The following ATXN10 variants were observed in gnomAD, a reference collection of about 807,000 sequenced individuals.
ATXN10 encodes ataxin-10.
In ATXN10, 28 loss-of-function variants were observed where a neutral mutation model predicts 52.9. That is an observed-to-expected ratio of 0.53 (90% CI 0.39 to 0.73). The LOEUF (loss-of-function observed/expected upper bound fraction) is 0.73, where lower values mean the gene tolerates loss of function less well. ATXN10 is among the 30% of genes least tolerant of loss of function. The probability of loss-of-function intolerance (pLI) is 0.00; values close to 1 mark genes in which losing one functional copy is unlikely to be tolerated. For missense variants in ATXN10, 565 were observed against 577.0 expected, an observed-to-expected ratio of 0.98 and a Z score of 0.21; for synonymous variants, 226 against 221.5, an observed-to-expected ratio of 1.02 and a Z score of -0.18.
chr22:45,804,602 A>G (rs1161105937), intron 9 of ATXN10, among the ~76,000 whole-genome samples: 1 of 152,244 alleles, frequency 6.6e-6, no homozygotes, highest in Non-Finnish European at 1.5e-5. Context: ...GTTCTGTATC[A>G]TCTTAGGTTA....
At position 45,732,854 on chromosome 22, in the gene ATXN10, T is replaced by C. The variant is rs1007278319; in HGVS notation, c.894+3264T>C. Among the ~76,000 whole-genome samples the C allele has an allele frequency of 3.9e-5, 6 of 152,230 alleles. No homozygotes were observed. The highest frequency in any genetic ancestry group is 1.4e-4 in the African/African-American group (6 of 41,466). ...CCACTGCATTTACTCATTGGTGATCTTTTTAGGACAAGATAGATATTCAGT... is the reference window on the plus strand; with the variant it reads ...CCACTGCATTTACTCATTGGTGATCCTTTTAGGACAAGATAGATATTCAGT... On this transcript the variant is annotated intron_variant, in intron 7 of 11. Transcript: ENST00000252934. The surrounding 1 kb of genome is among the most constrained non-coding windows in gnomAD (Gnocchi z 4.5).
rs750361915 is a variant in ATXN10 at position 45,781,996 on chromosome 22, C to T, written c.1174-24963C>T. The stretch of plus-strand genomic sequence containing the variant: ...GATATGTGGGACTTTAATAAAAGGC[C>T]GAAAAAGTATTCAAAAGAATAATTT... On this transcript the variant is annotated intron_variant, in intron 9 of 11. Coordinates refer to ENST00000252934, the MANE Select transcript of ATXN10 (RefSeq NM_013236.4). The surrounding 1 kb of genome is among the most constrained non-coding windows in gnomAD (Gnocchi z 4.2). Among the ~76,000 whole-genome samples, 12 of 152,066 alleles carry T rather than the reference C, an allele frequency of 7.9e-5. No homozygotes were observed. The highest frequency in any genetic ancestry group is 1.9e-4 in the East Asian group (1 of 5,178).
intron 10 of ATXN10, among the ~76,000 whole-genome samples, chr22:45,814,606 C>T (rs1458017839): frequency 6.6e-6 from 1 of 152,192 alleles, no homozygotes; most frequent in Admixed American, 6.5e-5. Context: ...ATCAGCAGTT[C>T]CACTCTAGTA....
At chr22:45,814,037 C>T (rs1252057326) in intron 10 of ATXN10, among the ~76,000 whole-genome samples, 2 of 152,210 alleles carry the variant, frequency 1.3e-5, no homozygotes, top group Non-Finnish European at 2.9e-5. Context: ...GGAATCCTAA[C>T]TCACACCATT....
rs939248743 is a variant in ATXN10 at position 45,671,962 on chromosome 22, C to T, written c.-102C>T. 3 of 1,348,064 alleles carry T rather than the reference C, an allele frequency of 2.2e-6. No individual in the cohort carries two copies. The highest frequency in any genetic ancestry group is 3.0e-6 in the Non-Finnish European group (3 of 988,876). The allele number at this position is 1,348,064 out of a possible 1,614,324, so 83.5% of individuals were successfully genotyped here. On this transcript the variant is annotated 5_prime_UTR_variant, in exon 1 of 12. Transcript: ENST00000252934. ...GGGCTGTGTAGGGCGAGGCCTCCCC[C>T]TTCCTCCTCGCCATCCTACTCCTCC... is the stretch of plus-strand genomic sequence containing the variant.
chr22:45,686,699 G>T (rs1601588169), intron 1 of ATXN10, among the ~76,000 whole-genome samples: 1 of 151,846 alleles, frequency 6.6e-6, no homozygotes, highest in South Asian at 2.1e-4. Flanking sequence ...TGCACCTGTA[G>T]TCCCAGCTAC....
intron 6 of ATXN10, among the ~76,000 whole-genome samples, chr22:45,723,658 T>A (rs1419232127): frequency 6.6e-6 from 1 of 152,088 alleles, no homozygotes; most frequent in Non-Finnish European, 1.5e-5. Flanking sequence ...GTTCTTCACT[T>A]AGAATAATGG....
At chr22:45,736,053 A>G (rs1736581906) in intron 7 of ATXN10, among the ~76,000 whole-genome samples, 1 of 152,052 alleles carries the variant, frequency 6.6e-6, no homozygotes. Context: ...ATTTTCTTTT[A>G]GGTTTATTTT....
intron 1 of ATXN10, among the ~76,000 whole-genome samples, chr22:45,680,305 T>C (rs1434526580): frequency 6.6e-6 from 1 of 152,170 alleles, no homozygotes; most frequent in East Asian, 1.9e-4. Context: ...ATGAGAATAT[T>C]ATAAAACTAT....
intron 10 of ATXN10, among the ~76,000 whole-genome samples, chr22:45,817,964 G>C (rs1928521405): frequency 6.6e-6 from 1 of 152,192 alleles, no homozygotes; most frequent in Non-Finnish European, 1.5e-5. Context: ...TAGTACCTTA[G>C]CAACGGGCTC....
chr22:45,705,918 C>T lies in ATXN10; in HGVS notation c.647+3071C>T, dbSNP rs1406224834. On this transcript the variant is annotated intron_variant, in intron 5 of 11. Coordinates refer to ENST00000252934, the MANE Select transcript of ATXN10 (RefSeq NM_013236.4). The surrounding 1 kb of genome is among the most constrained non-coding windows in gnomAD (Gnocchi z 5.2). Reference sequence around the variant, plus strand: ...TAGCACAAGATAAGCAGCAGGCAAGCAAGCATTCCTGCCTGAGCGCCACTT... The same window carrying T: ...TAGCACAAGATAAGCAGCAGGCAAGTAAGCATTCCTGCCTGAGCGCCACTT... 2.0e-5 allele frequency among the ~76,000 whole-genome samples: 3 copies of T among 152,168 alleles called. No individual in the cohort carries two copies. Among genetic ancestry groups the T allele is most frequent in the East Asian group, 3.9e-4 (2 of 5,186 alleles).
chr22:45,774,269 G>T lies in ATXN10; in HGVS notation c.1174-32690G>T, dbSNP rs1223724743. Reference sequence around the variant, plus strand: ...CATAACTCTGTGACTGTTGACCATGGCCATCTGTCCAGTAGAGTGAGAGCA... The same window carrying T: ...CATAACTCTGTGACTGTTGACCATGTCCATCTGTCCAGTAGAGTGAGAGCA... On this transcript the variant is annotated intron_variant, in intron 9 of 11. Transcript: ENST00000252934. The surrounding 1 kb of genome is among the most constrained non-coding windows in gnomAD (Gnocchi z 6.2). Among the ~76,000 whole-genome samples the T allele has an allele frequency of 9.9e-5, 15 of 152,172 alleles. No homozygotes were observed.
At chr22:45,756,727 A>G (rs1173610733) in intron 9 of ATXN10, among the ~76,000 whole-genome samples, 2 of 152,140 alleles carry the variant, frequency 1.3e-5, no homozygotes, top group African/African-American at 4.8e-5. Context: ...TGTACATCTT[A>G]TGTTACAAAT....
chr22:45,758,249 A>G (rs1926247763), intron 9 of ATXN10, among the ~76,000 whole-genome samples: 1 of 152,224 alleles, frequency 6.6e-6, no homozygotes, highest in Admixed American at 6.5e-5. Context: ...GTTTGGAGTT[A>G]GCTGAGCCAG....
chr22:45,803,931 G>A (rs1391667125), intron 9 of ATXN10, among the ~76,000 whole-genome samples: 2 of 151,994 alleles, frequency 1.3e-5, no homozygotes, highest in East Asian at 3.9e-4. Context: ...TATAGTGGTC[G>A]AACCCTCCAT....
intron 10 of ATXN10, among the ~76,000 whole-genome samples, chr22:45,821,681 A>G (rs1398560178): frequency 6.6e-6 from 1 of 152,204 alleles, no homozygotes; most frequent in African/African-American, 2.4e-5. Flanking sequence ...GCAAGTTTTA[A>G]GTATACATCT....
chr22:45,723,127 A>G (rs1026002375), intron 6 of ATXN10, among the ~76,000 whole-genome samples: 3 of 151,674 alleles, frequency 2.0e-5, no homozygotes, highest in East Asian at 1.9e-4. Flanking sequence ...TGAAAGTCAT[A>G]TGTGTGTGTG....
rs1055754668 is a variant in ATXN10, at chr22:45,754,061, A to C, written c.1173+13523A>C. ...CTGGGTTTTATTTCTGGCCTCTGAG[A>C]ATGATGCTCACACTGCCCAGTGGCA... is the stretch of plus-strand genomic sequence containing the variant. On this transcript the variant is annotated intron_variant, in intron 9 of 11. Transcript: ENST00000252934. The surrounding 1 kb of genome is among the most constrained non-coding windows in gnomAD (Gnocchi z 5.4). Among the ~76,000 whole-genome samples the C allele has an allele frequency of 6.6e-6, 1 of 152,146 alleles. No homozygotes were observed. The highest frequency in any genetic ancestry group is 2.4e-5 in the African/African-American group (1 of 41,434).
intron 9 of ATXN10, among the ~76,000 whole-genome samples, chr22:45,761,864 G>A (rs951311774): frequency 6.6e-6 from 1 of 152,136 alleles, no homozygotes; most frequent in African/African-American, 2.4e-5. Flanking sequence ...GTTGATTTCA[G>A]TGCAGTTGGG....
Sources: gnomAD v4.1 joint callset for allele counts (sites outside exome capture counted in the v4.1 genomes callset) on GRCh38, gnomAD v4.1.1 for gene constraint, Gnocchi (gnomAD v3.1) non-coding constraint, MANE v1.5 for transcripts, NCBI Gene and HGNC (gene_info 2026-07-23, HGNC 2026-07-21) for gene names.